The following SH3RF3 variants were observed in gnomAD, a reference collection of about 807,000 sequenced individuals.
SH3RF3 encodes SH3 domain containing ring finger 3.
In SH3RF3, 29 loss-of-function variants were observed where a neutral mutation model predicts 66.3. The observed-to-expected ratio is 0.44, with a 90% CI of 0.33 to 0.60. SH3RF3 has a LOEUF of 0.60. Ranked by LOEUF, SH3RF3 falls within the 20% of genes least tolerant of loss-of-function variation. The pLI, the probability that SH3RF3 is intolerant of heterozygous loss-of-function variation, is 0.04. For synonymous variants in SH3RF3, 583 were observed against 532.0 expected (o/e 1.10, Z -1.32); for missense variants, 1,194 against 1,190.9 (o/e 1.00, Z -0.04).
intron 1 of SH3RF3, among the ~76,000 whole-genome samples, chr2:109,231,491 T>C (rs142311906): frequency 0.013 from 1,934 of 152,320 alleles, 20 homozygotes; most frequent in South Asian, 0.024. Flanking sequence ...TAAATTTTTT[T>C]CCAGAAACAT....
chr2:109,422,090 G>T (rs1348905774), intron 5 of SH3RF3, among the ~76,000 whole-genome samples: 1 of 152,202 alleles, frequency 6.6e-6, no homozygotes, highest in African/African-American at 2.4e-5. Context: ...CAAGTACCCG[G>T]GGTGGGGGTC....
chr2:109,385,445 T>C (rs1489274317), intron 3 of SH3RF3, among the ~76,000 whole-genome samples: 2 of 152,214 alleles, frequency 1.3e-5, no homozygotes, highest in Non-Finnish European at 2.9e-5. Context: ...AGCAGCGTGT[T>C]GTTTTTGATG....
At chr2:109,501,352 G>C in intron 9 of SH3RF3, 151 bp from the exon 10 acceptor site, 1 of 504,524 alleles carries the variant, frequency 2.0e-6, no homozygotes, top group South Asian at 3.5e-5. Flanking sequence ...CCAGAGTTTT[G>C]AAAAAATTAA....
At chr2:109,314,242 C>G (rs1443554304) in intron 1 of SH3RF3, among the ~76,000 whole-genome samples, 1 of 152,168 alleles carries the variant, frequency 6.6e-6, no homozygotes, top group African/African-American at 2.4e-5. Flanking sequence ...TTAATGCTGC[C>G]TGCTTGAGAA....
At chr2:109,480,976 G>A (rs1678820070) in intron 8 of SH3RF3, among the ~76,000 whole-genome samples, 1 of 152,202 alleles carries the variant, frequency 6.6e-6, no homozygotes, top group Admixed American at 6.5e-5. Flanking sequence ...AGATACTTCA[G>A]CCATGGAAGG....
At chr2:109,414,890 C>G (rs1676682008) in intron 4 of SH3RF3, among the ~76,000 whole-genome samples, 1 of 152,228 alleles carries the variant, frequency 6.6e-6, no homozygotes, top group South Asian at 2.1e-4. Flanking sequence ...CCACACATGT[C>G]CAAGTGCTGA....
intron 4 of SH3RF3, among the ~76,000 whole-genome samples, chr2:109,409,134 T>C (rs991966074): frequency 1.3e-5 from 2 of 152,248 alleles, no homozygotes; most frequent in Non-Finnish European, 2.9e-5. Flanking sequence ...CATATTCCAC[T>C]GTTTTGATCC....
intron 7 of SH3RF3, among the ~76,000 whole-genome samples, chr2:109,447,169 G>GAAAAGA (rs1330221744): frequency 3.3e-5 from 4 of 120,746 alleles, no homozygotes; most frequent in Non-Finnish European, 5.2e-5. Flanking sequence ...AAAAAAAAAA[G>GAAAAGA]AAAAGAAAAA....
At chr2:109,332,199 C>T (rs1559027970) in intron 1 of SH3RF3, among the ~76,000 whole-genome samples, 1 of 152,136 alleles carries the variant, frequency 6.6e-6, no homozygotes, top group Non-Finnish European at 1.5e-5. Flanking sequence ...CTGCAAGCTG[C>T]CTCATGGGAC....
chr2:109,210,373 G>C lies in SH3RF3; in HGVS notation c.573+80260G>C, dbSNP rs541892881. Among the ~76,000 whole-genome samples the C allele has an allele frequency of 2.8e-4, 42 of 152,298 alleles. No homozygotes were observed. The South Asian group carries it at 8.7e-3, about 32-fold the overall frequency. ...TCACTGATCTGTGAAGTCCAAAGCG[G>C]GAAAGCCTGGTCTTTTCCGTGCTCC... On this transcript the variant is annotated intron_variant, in intron 1 of 9. Transcript: ENST00000309415.
At chr2:109,213,045 G>A (rs1434293883) in intron 1 of SH3RF3, among the ~76,000 whole-genome samples, 2 of 152,248 alleles carry the variant, frequency 1.3e-5, no homozygotes, top group Non-Finnish European at 2.9e-5. Flanking sequence ...CTGAGCAGGT[G>A]GAGGATGCAG....
Position 109,455,860 on chromosome 2 carries a change from A to G in SH3RF3, c.2148+6371A>G, listed in dbSNP as rs539112970. ...CACTCTGCTGGCACAGGCTGGCTGCATGCTCCCACCAACCAGGGTGGGGAG... is the reference window on the plus strand; with the variant it reads ...CACTCTGCTGGCACAGGCTGGCTGCGTGCTCCCACCAACCAGGGTGGGGAG... On this transcript the variant is annotated intron_variant, in intron 8 of 9. Transcript: ENST00000309415. Among the ~76,000 whole-genome samples the G allele has an allele frequency of 2.0e-5, 3 of 152,272 alleles. No homozygotes were observed. In the East Asian group the frequency reaches 5.8e-4, roughly 29 times the overall value.
intron 1 of SH3RF3, among the ~76,000 whole-genome samples, chr2:109,293,949 T>C (rs1299986508): frequency 6.6e-6 from 1 of 152,154 alleles, no homozygotes; most frequent in East Asian, 1.9e-4. Context: ...CTCTATGTTC[T>C]CCAAGAGCTT....
chr2:109,322,419 A>G (rs1047335599), intron 1 of SH3RF3, among the ~76,000 whole-genome samples: 2 of 152,324 alleles, frequency 1.3e-5, no homozygotes, highest in Middle Eastern at 6.8e-3. Flanking sequence ...AGCCTGAACT[A>G]GGAGGCGGGT....
chr2:109,359,211 G>A (rs907349179), intron 2 of SH3RF3, among the ~76,000 whole-genome samples: 1 of 152,104 alleles, frequency 6.6e-6, no homozygotes, highest in African/African-American at 2.4e-5. Flanking sequence ...GTCATGTAGT[G>A]TTGGCCCTTG....
intron 2 of SH3RF3, among the ~76,000 whole-genome samples, chr2:109,365,032 C>CA (rs1683128603): frequency 6.7e-6 from 1 of 149,710 alleles, no homozygotes; most frequent in Non-Finnish European, 1.5e-5. Flanking sequence ...AAAAGAAACA[C>CA]AGACACACAC....
chr2:109,257,250 C>G (rs958668549), intron 1 of SH3RF3, among the ~76,000 whole-genome samples: 1 of 151,952 alleles, frequency 6.6e-6, no homozygotes, highest in Non-Finnish European at 1.5e-5. Flanking sequence ...TCATGTTGTT[C>G]GTTCTGTGGC....
chr2:109,487,162 A>G (rs1295927131), intron 8 of SH3RF3, among the ~76,000 whole-genome samples: 1 of 152,156 alleles, frequency 6.6e-6, no homozygotes, highest in African/African-American at 2.4e-5. Context: ...CCCAGGAGAA[A>G]CCCAGCAAAT....
At chr2:109,400,321 T>C (rs1252347660) in intron 4 of SH3RF3, among the ~76,000 whole-genome samples, 4 of 151,802 alleles carry the variant, frequency 2.6e-5, no homozygotes, top group African/African-American at 4.8e-5. Flanking sequence ...GGCACACACA[T>C]ATACCTGCAC....
Sources: gnomAD v4.1 joint callset for allele counts (sites outside exome capture counted in the v4.1 genomes callset) on GRCh38, gnomAD v4.1.1 for gene constraint, MANE v1.5 for transcripts, NCBI Gene and HGNC (gene_info 2026-07-23, HGNC 2026-07-21) for gene names.